SVIL: variants seen among roughly 807,000 people sequenced by gnomAD.
SVIL encodes archvillin.
Under a neutral mutation model 240.4 loss-of-function variants are expected in SVIL, and 101 were observed. That is an observed-to-expected ratio of 0.42 (90% CI 0.36 to 0.50). SVIL has a LOEUF of 0.50. SVIL is among the 20% of genes least tolerant of loss of function. The pLI is 0.01. For missense variants in SVIL, 2,512 were observed against 2,818.7 expected (o/e 0.89, Z 2.46); for synonymous variants, 999 against 1,100.0 (o/e 0.91, Z 1.82).
intron 29 of SVIL, among the ~76,000 whole-genome samples, chr10:29,477,972 C>T (rs1946385287): frequency 6.6e-6 from 1 of 152,108 alleles, no homozygotes; most frequent in Admixed American, 6.6e-5. Context: ...CTCACAATTA[C>T]TTTTTTTTCT....
intron 1 of SVIL, among the ~76,000 whole-genome samples, chr10:29,623,579 G>A (rs192867446): frequency 6.6e-6 from 1 of 152,280 alleles, no homozygotes; most frequent in African/African-American, 2.4e-5. Flanking sequence ...AGGCAGGCGC[G>A]GAGGCTCACG....
intron 2 of SVIL, among the ~76,000 whole-genome samples, chr10:29,679,625 G>A (rs539090872): frequency 2.1e-4 from 31 of 147,672 alleles, no homozygotes; most frequent in African/African-American, 4.5e-4. Context: ...CGCTGATCAC[G>A]GCTCACTGCA....
chr10:29,463,529 C>A lies in SVIL; in HGVS notation c.6240G>T (p.Arg2080=), dbSNP rs773716160. 6.2e-7 allele frequency: 1 copy of A among 1,614,126 alleles called. No homozygotes were observed. Among genetic ancestry groups the A allele is most frequent in the East Asian group, 2.2e-5 (1 of 44,868 alleles). Residue 2080 remains arginine, a synonymous_variant, in exon 35 of 38, where the codon CGG becomes CGT. Transcript: ENST00000355867. The part of the protein sequence containing the change: ...GSARIRWASD[R]KSAMETVLQY... ...GGAGCACAGTCTCCATCGCACTCTT[C>A]CGGTCGGAGGCCCAGCGGATGCGGG... is the stretch of plus-strand genomic sequence containing the variant.
chr10:29,712,457 C>T lies in SVIL; in HGVS notation c.-400+23294G>A, dbSNP rs185907272. Among the ~76,000 whole-genome samples, 43 of 152,318 alleles carry T rather than the reference C, an allele frequency of 2.8e-4. 1 individual carries two copies. The highest frequency in any genetic ancestry group is 1.0e-3 in the African/African-American group (42 of 41,574). On this transcript the variant is annotated intron_variant, in intron 1 of 35. Transcript: ENST00000375400. ...TTCCTCTCTCTCTTGCCTTCTCTCT[C>T]GCTATCTGATCTCTGCACATGCCAG... is the stretch of plus-strand genomic sequence containing the variant.
intron 1 of SVIL, among the ~76,000 whole-genome samples, chr10:29,581,086 T>G (rs1294997822): frequency 6.6e-6 from 1 of 152,196 alleles, no homozygotes; most frequent in Non-Finnish European, 1.5e-5. Context: ...AAATCTACTA[T>G]AAGCTACTAA....
intron 33 of SVIL, among the ~76,000 whole-genome samples, chr10:29,466,275 A>G (rs943845460): frequency 1.3e-5 from 2 of 151,884 alleles, no homozygotes; most frequent in Non-Finnish European, 2.9e-5. Flanking sequence ...TGTATTTTAT[A>G]TACATTATAC....
rs61307764 is a variant in SVIL, at chr10:29,465,210, CTCTT to C, written c.6133+381_6133+384del. 5.9e-5 allele frequency among the ~76,000 whole-genome samples: 9 copies of C among 152,266 alleles called. No individual in the cohort carries two copies. In the East Asian group the frequency reaches 9.7e-4, roughly 16 times the overall value. ...GGGCTTTTTTCCTTCCCCTTTCTTT[CTCTT>C]TCTATCTTGAATGCAAACATAATGG... On this transcript the variant is annotated intron_variant, in intron 34 of 37. Transcript: ENST00000355867.
chr10:29,509,790 C>T (rs529629522), intron 17 of SVIL, among the ~76,000 whole-genome samples: 14 of 152,162 alleles, frequency 9.2e-5, no homozygotes, highest in African/African-American at 3.1e-4. Flanking sequence ...GCGGAGGTTG[C>T]GGTGAGCCGA....
intron 34 of SVIL, among the ~76,000 whole-genome samples, 190 bp from the exon 35 acceptor site, chr10:29,463,825 C>T (rs1341397719): frequency 6.6e-6 from 1 of 152,318 alleles, no homozygotes; most frequent in Admixed American, 6.5e-5. Context: ...TTTGACAGTT[C>T]AACGGGGAGA....
intron 3 of SVIL, among the ~76,000 whole-genome samples, chr10:29,642,459 G>GAA (rs1330145167): frequency 1.4e-5 from 1 of 69,018 alleles, no homozygotes; most frequent in Admixed American, 1.3e-4. Context: ...AAGAAAGAAA[G>GAA]AAAGAAAGAC....
At chr10:29,694,285 T>C (rs952610955) in intron 1 of SVIL, among the ~76,000 whole-genome samples, 7 of 148,796 alleles carry the variant, frequency 4.7e-5, no homozygotes, top group Non-Finnish European at 1.0e-4. Flanking sequence ...TGGTAGCACA[T>C]GCCTATAGTC....
intron 1 of SVIL, among the ~76,000 whole-genome samples, chr10:29,687,676 T>C (rs1193674042): frequency 1.3e-5 from 2 of 152,154 alleles, no homozygotes; most frequent in Admixed American, 6.6e-5. Context: ...TCTTTCTCAA[T>C]AAACAAACAA....
chr10:29,687,611 T>A (rs923196045), intron 1 of SVIL, among the ~76,000 whole-genome samples: 2 of 152,228 alleles, frequency 1.3e-5, no homozygotes, highest in African/African-American at 2.4e-5. Context: ...GAAGGGAGGT[T>A]GCAGTTAGCC....
chr10:29,698,210 CAG>C, intron 1 of SVIL: 1 of 766,204 alleles, frequency 1.3e-6, no homozygotes, highest in Non-Finnish European at 1.9e-6. Flanking sequence ...AAGCTTTACA[CAG>C]CTGTCCTTAC....
intron 16 of SVIL, 40 bp downstream of exon 16, chr10:29,522,370 T>A (rs1950612897): frequency 3.1e-6 from 5 of 1,604,240 alleles, no homozygotes; most frequent in Non-Finnish European, 4.3e-6. Context: ...TGTAAGCTCC[T>A]CCCCGAGAGA....
chr10:29,531,595 A>C (rs1254093596), intron 9 of SVIL, among the ~76,000 whole-genome samples: 3 of 152,248 alleles, frequency 2.0e-5, no homozygotes, highest in African/African-American at 4.8e-5. Flanking sequence ...ATAGTATATG[A>C]CACTTCAGTA....
chr10:29,593,103 A>C (rs904483559), intron 1 of SVIL, among the ~76,000 whole-genome samples: 2 of 152,226 alleles, frequency 1.3e-5, no homozygotes, highest in African/African-American at 4.8e-5. Flanking sequence ...GCTATGTTTA[A>C]AATTTTTTGA....
rs1296951285 is a variant in SVIL at position 29,593,352 on chromosome 10, G to T, written c.-200-24040C>A. On this transcript the variant is annotated intron_variant, in intron 1 of 37. Coordinates refer to ENST00000355867, the MANE Select transcript of SVIL (RefSeq NM_021738.3). ...CTCACTCCTGGACCTTCACATAAAG[G>T]ATATAGGCTGGTGTCACTAAAGATC... 2.0e-4 allele frequency among the ~76,000 whole-genome samples: 31 copies of T among 152,106 alleles called. 1 individual carries two copies. The highest frequency in any genetic ancestry group is 2.0e-3 in the Admixed American group (31 of 15,274).
intron 1 of SVIL, among the ~76,000 whole-genome samples, chr10:29,724,370 A>AACACACACACACACACACAC (rs9299624): frequency 1.4e-4 from 20 of 146,146 alleles, no homozygotes; most frequent in African/African-American, 2.0e-4. Context: ...GAGGATTTAA[A>AACACACACACACACACACAC]ACACACACAC....
Sources: gnomAD v4.1 joint callset for allele counts (sites outside exome capture counted in the v4.1 genomes callset) on GRCh38, gnomAD v4.1.1 for gene constraint, MANE v1.5 for transcripts, NCBI Gene and HGNC (gene_info 2026-07-23, HGNC 2026-07-21) for gene names.